ZEB1: variants seen among roughly 807,000 people sequenced by gnomAD.
ZEB1 encodes the protein zinc finger E-box binding homeobox 1.
Under a neutral mutation model 84.9 loss-of-function variants are expected in ZEB1, and 21 were observed. That is an observed-to-expected ratio of 0.25 (90% CI 0.18 to 0.36). The LOEUF is 0.36. ZEB1 is among the 10% of genes least tolerant of loss of function. The pLI is 1.00. For synonymous variants in ZEB1, 420 were observed against 471.1 expected (o/e 0.89, Z 1.41); for missense variants, 1,104 against 1,330.2 (o/e 0.83, Z 2.65).
At position 31,526,651 on chromosome 10, in the gene ZEB1, A is replaced by G. The variant is rs749534036; in HGVS notation, c.2786-21A>G. 3 of 1,612,258 alleles carry G rather than the reference A, an allele frequency of 1.9e-6. No individual in the cohort carries two copies. The South Asian group carries it at 3.3e-5, about 18-fold the overall frequency. ...TTTGCTGAATACCACCATTTTATTT[A>G]ACAGAATTCTTATTTTGCAGGTAAA... On this transcript the variant is annotated intron_variant, in intron 8 of 8. Coordinates refer to ENST00000424869, the MANE Select transcript of ZEB1 (RefSeq NM_001174096.2).
chr10:31,368,216 A>G (rs1017784372), intron 1 of ZEB1, among the ~76,000 whole-genome samples: 1 of 152,084 alleles, frequency 6.6e-6, no homozygotes, highest in Non-Finnish European at 1.5e-5. Context: ...GTGCGCTGGT[A>G]CAATCATGGC....
intron 2 of ZEB1, among the ~76,000 whole-genome samples, chr10:31,485,391 A>G (rs2065595916): frequency 6.6e-6 from 1 of 151,910 alleles, no homozygotes. Flanking sequence ...TCACGGACCC[A>G]GTAGAGCCAA....
intron 1 of ZEB1, among the ~76,000 whole-genome samples, chr10:31,401,786 A>G (rs1475129001): frequency 6.6e-6 from 1 of 152,166 alleles, no homozygotes; most frequent in Non-Finnish European, 1.5e-5. Context: ...TTTTTCTGAT[A>G]TATTTTTAAC....
In ZEB1 at chr10:31,439,835, A is replaced by G. The variant is rs200913586; in HGVS notation, c.59-21202A>G. Among the ~76,000 whole-genome samples the G allele has an allele frequency of 1.1e-4, 16 of 152,290 alleles. No individual in the cohort carries two copies. In the East Asian group the frequency reaches 2.5e-3, roughly 24 times the overall value. On this transcript the variant is annotated intron_variant, in intron 1 of 8. Coordinates refer to ENST00000424869, the MANE Select transcript of ZEB1 (RefSeq NM_001174096.2). ...TAAAGTAGAAGACAAAGTCTGAGAG[A>G]GACAGGTGAGGAGAGTCAGCCCATG...
chr10:31,421,016 A>C (rs1380950765), intron 1 of ZEB1, among the ~76,000 whole-genome samples: 1 of 152,172 alleles, frequency 6.6e-6, no homozygotes, highest in Non-Finnish European at 1.5e-5. Context: ...AAGAGCAGGC[A>C]CTTTTTTCTC....
intron 7 of ZEB1, 98 bp from the exon 8 acceptor site, chr10:31,523,835 G>A: frequency 1.4e-6 from 2 of 1,380,704 alleles, no homozygotes; most frequent in Non-Finnish European, 2.0e-6. Context: ...AAGTATAAAA[G>A]TATAAGTTAA....
intron 1 of ZEB1, among the ~76,000 whole-genome samples, chr10:31,407,439 G>C: frequency 6.6e-6 from 1 of 151,846 alleles, no homozygotes; most frequent in East Asian, 1.9e-4. Context: ...CATTTTTTAT[G>C]GCTGCATAGT....
At chr10:31,507,455 AAC>A (rs746162240) in intron 4 of ZEB1, among the ~76,000 whole-genome samples, 5 of 152,126 alleles carry the variant, frequency 3.3e-5, no homozygotes, top group Admixed American at 6.5e-5. Context: ...TTTGCCTTAT[AAC>A]ACATCAAAAA....
chr10:31,392,202 G>T (rs2049868651), intron 1 of ZEB1, among the ~76,000 whole-genome samples: 1 of 152,042 alleles, frequency 6.6e-6, no homozygotes, highest in Admixed American at 6.6e-5. Flanking sequence ...AAAGTATGAG[G>T]CTATGTGATA....
At chr10:31,432,528 G>A (rs1345783937) in intron 1 of ZEB1, among the ~76,000 whole-genome samples, 1 of 152,170 alleles carries the variant, frequency 6.6e-6, no homozygotes, top group Non-Finnish European at 1.5e-5. Flanking sequence ...GGTTGAGGCT[G>A]CAATGAGCTG....
intron 2 of ZEB1, among the ~76,000 whole-genome samples, chr10:31,467,782 G>A (rs220050): frequency 0.89 from 135,179 of 152,076 alleles, 60,885 homozygotes; most frequent in East Asian, 1. Flanking sequence ...TTTTCAGGTG[G>A]TACAGAAGCT....
chr10:31,468,001 G>C (rs1385171294), intron 2 of ZEB1, among the ~76,000 whole-genome samples: 1 of 151,994 alleles, frequency 6.6e-6, no homozygotes, highest in East Asian at 1.9e-4. Context: ...AGCTGAGTGG[G>C]CCTCATGGCC....
intron 1 of ZEB1, among the ~76,000 whole-genome samples, chr10:31,457,065 CTG>C (rs953363541): frequency 6.6e-6 from 1 of 152,044 alleles, no homozygotes; most frequent in Non-Finnish European, 1.5e-5. Flanking sequence ...ATTTTTAAAA[CTG>C]TTTACCATAT....
At chr10:31,366,291 C>A (rs2044472120) in intron 1 of ZEB1, among the ~76,000 whole-genome samples, 1 of 152,120 alleles carries the variant, frequency 6.6e-6, no homozygotes. Flanking sequence ...CCTAATTTGT[C>A]CTCACTGCCA....
intron 1 of ZEB1, among the ~76,000 whole-genome samples, chr10:31,402,091 T>C (rs2052134382): frequency 6.6e-6 from 1 of 151,228 alleles, no homozygotes; most frequent in Non-Finnish European, 1.5e-5. Flanking sequence ...AAGTCAGTAT[T>C]TTGTTGTTGT....
chr10:31,373,217 G>GTA, intron 1 of ZEB1: 1 of 970,864 alleles, frequency 1.0e-6, no homozygotes, highest in Non-Finnish European at 1.2e-6. Flanking sequence ...GTGTGTGTGT[G>GTA]TAAAGCCTAC....
chr10:31,412,098 G>T (rs1422657674), intron 1 of ZEB1, among the ~76,000 whole-genome samples: 1 of 152,130 alleles, frequency 6.6e-6, no homozygotes, highest in Non-Finnish European at 1.5e-5. Context: ...TTTCTTTGCA[G>T]ATTTAGTGAA....
Position 31,465,459 on chromosome 10 carries a change from A to AAT in ZEB1, c.259+4238_259+4239dup, listed in dbSNP as rs372982155. Among the ~76,000 whole-genome samples the AAT allele has an allele frequency of 4.8e-3, 713 of 149,832 alleles. 2 individuals are homozygous for AAT. The highest frequency in any genetic ancestry group is 0.01 in the African/African-American group (417 of 41,172). On this transcript the variant is annotated intron_variant, in intron 2 of 8. Transcript: ENST00000424869. ...AAAGATAAACCATGCGATTGCAAAAAATATATATATATATATAAAATATCA... is the reference window on the plus strand; with the variant it reads ...AAAGATAAACCATGCGATTGCAAAAAATATATATATATATATATAAAATATCA...
rs1365850293 is a variant in ZEB1, at chr10:31,473,295, T to C, written c.259+12058T>C. ...TCCCTGTTTGCAGACGACATGATTGTATATCTAGAAAACCCCATTGTCTCA... is the reference window on the plus strand; with the variant it reads ...TCCCTGTTTGCAGACGACATGATTGCATATCTAGAAAACCCCATTGTCTCA... On this transcript the variant is annotated intron_variant, in intron 2 of 8. Coordinates refer to ENST00000424869, the MANE Select transcript of ZEB1 (RefSeq NM_001174096.2). 1.8e-4 allele frequency among the ~76,000 whole-genome samples: 27 copies of C among 149,228 alleles called. No individual in the cohort carries two copies. In the East Asian group the frequency reaches 4.2e-3, roughly 23 times the overall value.
Sources: gnomAD v4.1 joint callset for allele counts (sites outside exome capture counted in the v4.1 genomes callset) on GRCh38, gnomAD v4.1.1 for gene constraint, MANE v1.5 for transcripts, NCBI Gene and HGNC (gene_info 2026-07-23, HGNC 2026-07-21) for gene names.